The following KCNJ6 variants were observed in gnomAD, a reference collection of about 807,000 sequenced individuals.
KCNJ6 encodes potassium inwardly rectifying channel subfamily J member 6.
KCNJ6 carries 9 observed loss-of-function variants against 34.2 expected under a neutral mutation model. That is an observed-to-expected ratio of 0.26 (90% CI 0.16 to 0.46). The LOEUF is 0.46. Among genes scored for constraint, KCNJ6 ranks in the 20% least tolerant of loss-of-function variants. The probability of loss-of-function intolerance (pLI) is 1.00; values close to 1 mark genes in which losing one functional copy is unlikely to be tolerated. For missense variants in KCNJ6, 236 were observed against 531.3 expected, an observed-to-expected ratio of 0.44 and a Z score of 5.46; for synonymous variants, 196 against 207.1, an observed-to-expected ratio of 0.95 and a Z score of 0.46.
Position 37,702,506 on chromosome 21 carries a change from A to G in KCNJ6, c.946+11705T>C, listed in dbSNP as rs151016573. Among the ~76,000 whole-genome samples the G allele has an allele frequency of 1.1e-3, 165 of 152,278 alleles. 1 individual carries two copies. Among genetic ancestry groups the G allele is most frequent in the African/African-American group, 3.7e-3 (152 of 41,562 alleles). On this transcript the variant is annotated intron_variant, in intron 3 of 3. Transcript: ENST00000609713. ...ATTTATGGCCCTGGGGAAGATGAAG[A>G]GCCGAACAGCCTCTAGAGGACTTGG...
chr21:37,760,052 G>A (rs1432040672), intron 2 of KCNJ6, among the ~76,000 whole-genome samples: 1 of 152,144 alleles, frequency 6.6e-6, no homozygotes, highest in East Asian at 1.9e-4. Context: ...CGCCAGCCAC[G>A]GCTACGAGCT....
At chr21:37,699,971 A>C (rs2054682299) in intron 3 of KCNJ6, among the ~76,000 whole-genome samples, 1 of 152,196 alleles carries the variant, frequency 6.6e-6, no homozygotes, top group African/African-American at 2.4e-5. Flanking sequence ...CGTCCGGTGG[A>C]AAGGAAACTC....
At position 37,611,612 on chromosome 21, in the gene KCNJ6, C is replaced by T. The variant is rs759284882; in HGVS notation, c.*13547G>A. The T allele has an allele frequency of 5.3e-5, 8 of 152,238 alleles. No homozygotes were observed. The highest frequency in any genetic ancestry group is 4.1e-4 in the South Asian group (2 of 4,826). The allele number at this position is 152,238 out of a possible 1,614,324, so 9.4% of individuals were successfully genotyped here. On this transcript the variant is annotated 3_prime_UTR_variant, in exon 4 of 4. Transcript: ENST00000609713. ...TCAACAAAATATTAGCAAATCAAGT[C>T]CAACAATATATGAAAATAATTAAAC...
chr21:37,729,572 C>T (rs2054873477), intron 2 of KCNJ6, among the ~76,000 whole-genome samples: 1 of 152,358 alleles, frequency 6.6e-6, no homozygotes, highest in East Asian at 1.9e-4. Flanking sequence ...GATTCACCCA[C>T]CTCAACCTCC....
intron 2 of KCNJ6, among the ~76,000 whole-genome samples, chr21:37,816,360 A>G (rs1464432809): frequency 6.6e-6 from 1 of 152,224 alleles, no homozygotes; most frequent in Non-Finnish European, 1.5e-5. Context: ...GGTTGCTTCT[A>G]TGCTCTAGAT....
At chr21:37,689,840 C>A (rs8128106) in intron 3 of KCNJ6, among the ~76,000 whole-genome samples, 1 of 151,956 alleles carries the variant, frequency 6.6e-6, no homozygotes, top group African/African-American at 2.4e-5. Flanking sequence ...TGCTTCCTAT[C>A]AGGGAAGCAG....
intron 2 of KCNJ6, among the ~76,000 whole-genome samples, chr21:37,782,662 T>C (rs2055175207): frequency 6.6e-6 from 1 of 152,172 alleles, no homozygotes; most frequent in East Asian, 1.9e-4. Context: ...AAAATCTGTA[T>C]TGCTACTAAC....
intron 2 of KCNJ6, among the ~76,000 whole-genome samples, chr21:37,730,041 T>A (rs1265264792): frequency 1.3e-5 from 2 of 152,214 alleles, no homozygotes; most frequent in Non-Finnish European, 2.9e-5. Flanking sequence ...CCTTCTGTGT[T>A]TCCCTGAAGC....
chr21:37,758,491 T>C (rs373477494), intron 2 of KCNJ6, among the ~76,000 whole-genome samples: 4 of 152,356 alleles, frequency 2.6e-5, no homozygotes, highest in South Asian at 4.1e-4. Flanking sequence ...ATTGCCATGA[T>C]GTGAATTGCT....
intron 1 of KCNJ6, among the ~76,000 whole-genome samples, chr21:37,856,560 G>A (rs1411030072): frequency 6.6e-6 from 1 of 152,106 alleles, no homozygotes; most frequent in Non-Finnish European, 1.5e-5. Context: ...GCTCTCAGGA[G>A]ATATACACTC....
chr21:37,778,689 C>CTGTGTGCGTGTGTG (rs1555843326), intron 2 of KCNJ6, among the ~76,000 whole-genome samples: 1 of 130,738 alleles, frequency 7.6e-6, no homozygotes, highest in Non-Finnish European at 1.6e-5. Context: ...TATCCGTGTG[C>CTGTGTGCGTGTGTG]TGTGTGCGTG....
In KCNJ6 at chr21:37,661,429, A is replaced by G. The variant is rs1334199428; in HGVS notation, c.947-35945T>C. Among the ~76,000 whole-genome samples, 2 of 152,196 alleles carry G rather than the reference A, an allele frequency of 1.3e-5. 1 individual carries two copies. The highest frequency in any genetic ancestry group is 4.1e-4 in the South Asian group (2 of 4,824). On this transcript the variant is annotated intron_variant, in intron 3 of 3. Transcript: ENST00000609713. ...TTCATAGAACAGAGTGATGTGCTAC[A>G]TCAATACTCATTTCTTCCCTTTTCT...
At chr21:37,637,309 T>C (rs1468266061) in intron 3 of KCNJ6, among the ~76,000 whole-genome samples, 1 of 152,184 alleles carries the variant, frequency 6.6e-6, no homozygotes, top group Non-Finnish European at 1.5e-5. Flanking sequence ...ATCCCTTCAA[T>C]GAACAGTTGT....
rs1417456050 is a variant in KCNJ6, at chr21:37,612,303, A to T, written c.*12856T>A. 1 of 152,190 alleles carries T rather than the reference A, an allele frequency of 6.6e-6. No individual in the cohort carries two copies. Among genetic ancestry groups the T allele is most frequent in the Non-Finnish European group, 1.5e-5 (1 of 68,028 alleles). The allele number at this position is 152,190 out of a possible 1,614,324, so 9.4% of individuals were successfully genotyped here. On this transcript the variant is annotated 3_prime_UTR_variant, in exon 4 of 4. Transcript: ENST00000609713. ...AAGTACTTAAGGTATAAATCTAACA[A>T]TATGTATAAGATCTACATGAGGAAA...
intron 1 of KCNJ6, among the ~76,000 whole-genome samples, chr21:37,879,726 T>C (rs796093034): frequency 6.9e-6 from 1 of 145,798 alleles, no homozygotes; most frequent in African/African-American, 2.7e-5. Flanking sequence ...TGTGTGTGTG[T>C]GTGTGTGTGT....
intron 2 of KCNJ6, among the ~76,000 whole-genome samples, chr21:37,818,303 A>G (rs1363305956): frequency 1.3e-5 from 2 of 152,056 alleles, no homozygotes; most frequent in African/African-American, 4.8e-5. Context: ...CAAAGCTGCA[A>G]AACATCTCCA....
chr21:37,680,761 C>G (rs901147856), intron 3 of KCNJ6, among the ~76,000 whole-genome samples: 4 of 152,174 alleles, frequency 2.6e-5, no homozygotes, highest in African/African-American at 7.2e-5. Context: ...CTTGGGAATT[C>G]TGAGCCTCCA....
At chr21:37,859,591 T>C (rs2055584760) in intron 1 of KCNJ6, among the ~76,000 whole-genome samples, 1 of 146,328 alleles carries the variant, frequency 6.8e-6, no homozygotes, top group African/African-American at 2.6e-5. Context: ...GCAGCCCCAG[T>C]TTTTCATTCC....
intron 2 of KCNJ6, among the ~76,000 whole-genome samples, chr21:37,745,066 T>G (rs2054960327): frequency 7.4e-6 from 1 of 136,022 alleles, no homozygotes. Context: ...TAGCCCAACG[T>G]TGCTGGTTTT....
Sources: allele counts gnomAD v4.1 joint callset (sites outside exome capture counted in the v4.1 genomes callset), GRCh38; gene constraint gnomAD v4.1.1; transcripts MANE v1.5; gene names NCBI Gene and HGNC (gene_info 2026-07-23, HGNC 2026-07-21).